Variants in FGD4 observed in about 807,000 individuals in gnomAD.
FGD4 encodes FYVE, RhoGEF and PH domain containing 4.
In FGD4, 42 loss-of-function variants were observed where a neutral mutation model predicts 102.0. That is an observed-to-expected ratio of 0.41 (90% CI 0.32 to 0.53). The LOEUF is 0.53. Ranked by LOEUF, FGD4 falls within the 20% of genes least tolerant of loss-of-function variation. The pLI is 0.21. For missense variants in FGD4, 902 were observed against 1,078.2 expected (o/e 0.84, Z 2.29); for synonymous variants, 380 against 375.7 (o/e 1.01, Z -0.13).
At chr12:32,571,183 G>T (rs372542627) in intron 2 of FGD4, among the ~76,000 whole-genome samples, 1 of 152,118 alleles carries the variant, frequency 6.6e-6, no homozygotes, top group Non-Finnish European at 1.5e-5. Flanking sequence ...GGCTGGGCAC[G>T]GTGGCTCACG....
At chr12:32,568,523 AAAGTT>A (rs1396572226) in intron 2 of FGD4, among the ~76,000 whole-genome samples, 1 of 138,200 alleles carries the variant, frequency 7.2e-6, no homozygotes, top group Non-Finnish European at 1.5e-5. Context: ...TTTAGTAATT[AAAGTT>A]AATAGTTCTT....
intron 1 of FGD4, among the ~76,000 whole-genome samples, chr12:32,526,246 G>A (rs1941185933): frequency 6.6e-6 from 1 of 152,214 alleles, no homozygotes; most frequent in Admixed American, 6.5e-5. Context: ...TCGACACTCT[G>A]TATCTAGCTG....
chr12:32,501,784 A>G (rs999019548), intron 1 of FGD4, among the ~76,000 whole-genome samples: 1 of 152,260 alleles, frequency 6.6e-6, no homozygotes, highest in African/African-American at 2.4e-5. Context: ...TTAGATTTCT[A>G]GAATGCTTTA....
intron 1 of FGD4, among the ~76,000 whole-genome samples, chr12:32,551,182 T>C (rs531651753): frequency 2.6e-4 from 40 of 151,808 alleles, no homozygotes; most frequent in Non-Finnish European, 4.7e-4. Context: ...GGTAGGAAAA[T>C]AGAACTCAGG....
intron 1 of FGD4, among the ~76,000 whole-genome samples, chr12:32,524,129 G>A (rs1940856632): frequency 6.6e-6 from 1 of 151,882 alleles, no homozygotes; most frequent in Admixed American, 6.6e-5. Context: ...GGGTGCGGTG[G>A]CTCATGCCTG....
rs1373772748 is a variant in FGD4 at position 32,526,376 on chromosome 12, A to G, written c.167-37761A>G. Among the ~76,000 whole-genome samples, 3 of 152,214 alleles carry G rather than the reference A, an allele frequency of 2.0e-5. No individual in the cohort carries two copies. The South Asian group carries it at 6.2e-4, about 32-fold the overall frequency. ...CCAATCAGCACCCTGAGTTTAGCTC[A>G]AGGTTTGTGAATGCACCAATCGACA... is the stretch of plus-strand genomic sequence containing the variant. On this transcript the variant is annotated intron_variant, in intron 1 of 16. Coordinates refer to ENST00000534526, the MANE Select transcript of FGD4 (RefSeq NM_001370298.3).
chr12:32,462,976 C>T (rs978263391), intron 1 of FGD4, among the ~76,000 whole-genome samples: 5 of 152,182 alleles, frequency 3.3e-5, no homozygotes, highest in African/African-American at 1.2e-4. Flanking sequence ...TAATTTCTTG[C>T]AATTTTTAGA....
chr12:32,479,573 G>A (rs913394585), intron 1 of FGD4, among the ~76,000 whole-genome samples: 3 of 148,966 alleles, frequency 2.0e-5, no homozygotes, highest in South Asian at 4.2e-4. Flanking sequence ...TCCTTAATTA[G>A]CCTAGCAGTG....
Position 32,591,671 on chromosome 12 carries a change from T to C in FGD4, c.1012-6826T>C, listed in dbSNP as rs528497200. On this transcript the variant is annotated intron_variant, in intron 4 of 16. Transcript: ENST00000534526. ...TGTGAGCTGCAGTGGGGGCCCTTTG[T>C]TCTGCCTCCAGCCATATGGGAGAGT... 3.3e-5 allele frequency among the ~76,000 whole-genome samples: 5 copies of C among 152,332 alleles called. No homozygotes were observed. The East Asian group carries it at 9.6e-4, about 29-fold the overall frequency.
chr12:32,520,595 C>T (rs1477438058), intron 1 of FGD4, among the ~76,000 whole-genome samples: 1 of 152,062 alleles, frequency 6.6e-6, no homozygotes. Flanking sequence ...ACCACCACGC[C>T]TGGCTAATTT....
chr12:32,584,004 G>A (rs1179173482), intron 4 of FGD4, among the ~76,000 whole-genome samples: 1 of 152,190 alleles, frequency 6.6e-6, no homozygotes, highest in Admixed American at 6.5e-5. Flanking sequence ...ATGGTTGTTG[G>A]ATGGTACTTT....
intron 8 of FGD4, 138 bp from the exon 9 acceptor site, chr12:32,610,638 A>T: frequency 1.4e-6 from 1 of 724,556 alleles, no homozygotes; most frequent in Non-Finnish European, 2.3e-6. Context: ...GAAAGTATAT[A>T]CCGTTTATAA....
intron 15 of FGD4, among the ~76,000 whole-genome samples, chr12:32,634,390 C>G (rs1385617263): frequency 6.6e-6 from 1 of 152,116 alleles, no homozygotes; most frequent in African/African-American, 2.4e-5. Flanking sequence ...ATCTAGTTTA[C>G]TATAGTCATT....
chr12:32,473,708 T>C (rs1943501572), intron 1 of FGD4, among the ~76,000 whole-genome samples: 1 of 152,150 alleles, frequency 6.6e-6, no homozygotes, highest in South Asian at 2.1e-4. Context: ...CACGTTATTT[T>C]CCGTTCTTCC....
At chr12:32,543,285 G>C (rs73303601) in intron 1 of FGD4, among the ~76,000 whole-genome samples, 7,117 of 152,230 alleles carry the variant, frequency 0.047, 215 homozygotes, top group African/African-American at 0.084. Flanking sequence ...TGTCCCATGG[G>C]GTTAGGGTAG....
At chr12:32,556,053 G>T (rs1944087421) in intron 1 of FGD4, among the ~76,000 whole-genome samples, 2 of 151,910 alleles carry the variant, frequency 1.3e-5, no homozygotes, top group African/African-American at 4.8e-5. Flanking sequence ...TGTTGCCGAA[G>T]CTAGTCTCAA....
intron 1 of FGD4, among the ~76,000 whole-genome samples, chr12:32,453,458 T>C (rs962433252): frequency 1.3e-4 from 19 of 151,840 alleles, no homozygotes; most frequent in Admixed American, 8.5e-4. Flanking sequence ...GGTGTCGAAC[T>C]CCTGGCCTCA....
intron 1 of FGD4, among the ~76,000 whole-genome samples, chr12:32,445,384 T>C (rs1253795706): frequency 6.6e-6 from 1 of 152,222 alleles, no homozygotes; most frequent in African/African-American, 2.4e-5. Context: ...TGGTATAAAA[T>C]AGGTTTTTAG....
chr12:32,630,616 C>T (rs559567635), intron 14 of FGD4, among the ~76,000 whole-genome samples: 1 of 152,064 alleles, frequency 6.6e-6, no homozygotes, highest in East Asian at 1.9e-4. Flanking sequence ...AGATCATGAC[C>T]ATCCTGCACA....
Sources: allele counts gnomAD v4.1 joint callset (sites outside exome capture counted in the v4.1 genomes callset), GRCh38; gene constraint gnomAD v4.1.1; transcripts MANE v1.5; gene names NCBI Gene and HGNC (gene_info 2026-07-23, HGNC 2026-07-21).